Variants in CILK1 observed in about 807,000 individuals in gnomAD.
CILK1 encodes serine/threonine-protein kinase ICK.
In CILK1, 47 loss-of-function variants were observed where a neutral mutation model predicts 79.2. That is an observed-to-expected ratio of 0.59 (90% CI 0.47 to 0.76). The LOEUF (loss-of-function observed/expected upper bound fraction) is 0.76, where lower values mean the gene tolerates loss of function less well. Among genes scored for constraint, CILK1 ranks in the 30% least tolerant of loss-of-function variants. The pLI is 0.00. For synonymous variants in CILK1, 266 were observed against 275.9 expected, an observed-to-expected ratio of 0.96 and a Z score of 0.36; for missense variants, 660 against 769.5, an observed-to-expected ratio of 0.86 and a Z score of 1.68.
In CILK1 at chr6:53,006,326, T is replaced by C; in HGVS notation, c.1733A>G (p.Asp578Gly). 1.2e-6 allele frequency: 2 copies of C among 1,613,752 alleles called. No homozygotes were observed. Among genetic ancestry groups the C allele is most frequent in the East Asian group, 2.2e-5 (1 of 44,870 alleles). ...MQRVHLAPIP[D>G]PSPGYSSLKA... ...AAAATACAACTCACCAGGGGAAGGG[T>C]CTGGAATAGGTGCTAGGTGTACCCT... is the stretch of plus-strand genomic sequence containing the variant. The change falls in exon 13 of 14, where the codon GAC becomes GGC. Residue 578 changes from aspartate (D) to glycine (G), a missense_variant. Physicochemically the swap from Asp to Gly is moderately conservative, Grantham distance 94 (BLOSUM62 -1). Transcript: ENST00000676107.
intron 6 of CILK1, 72 bp from the exon 7 acceptor site, chr6:53,018,573 C>T: frequency 2.8e-6 from 4 of 1,419,346 alleles, no homozygotes; most frequent in African/African-American, 2.8e-5. Flanking sequence ...ACAATCAGTT[C>T]TCAGTGAGGG....
intron 1 of CILK1, among the ~76,000 whole-genome samples, chr6:53,049,581 G>A (rs1053188697): frequency 2.6e-5 from 4 of 152,172 alleles, no homozygotes; most frequent in African/African-American, 9.7e-5. Context: ...CATGGCAGGT[G>A]GGAAACATGA....
intron 1 of CILK1, among the ~76,000 whole-genome samples, chr6:53,044,427 A>G (rs569978269): frequency 6.6e-6 from 1 of 152,332 alleles, no homozygotes; most frequent in Admixed American, 6.5e-5. Context: ...TCTGTGTTAA[A>G]GTTATTGTAG....
chr6:53,052,451 G>A (rs998179849), intron 1 of CILK1, among the ~76,000 whole-genome samples: 4 of 152,092 alleles, frequency 2.6e-5, no homozygotes, highest in African/African-American at 4.8e-5. Context: ...AGGGAATTTC[G>A]GCAGGGCACA....
chr6:53,006,171 A>G, intron 13 of CILK1, 144 bp downstream of exon 13: 2 of 701,310 alleles, frequency 2.9e-6, no homozygotes, highest in Middle Eastern at 4.0e-4. Context: ...TATGTTATAT[A>G]GCACTTATTT....
At chr6:53,021,777 T>C (rs1394973243) in intron 5 of CILK1, among the ~76,000 whole-genome samples, 7 of 151,436 alleles carry the variant, frequency 4.6e-5, no homozygotes. Context: ...TATTTTAGAA[T>C]TGTACTCCTT....
chr6:53,043,849 C>G (rs1379745844), intron 1 of CILK1, among the ~76,000 whole-genome samples: 2 of 125,584 alleles, frequency 1.6e-5, no homozygotes, highest in Non-Finnish European at 3.4e-5. Context: ...AGAAAGCCCT[C>G]TTGGTTTCCA....
At chr6:53,038,047 C>T in intron 2 of CILK1, 54 bp from the exon 3 acceptor site, 1 of 1,278,016 alleles carries the variant, frequency 7.8e-7, no homozygotes, top group Non-Finnish European at 1.1e-6. Flanking sequence ...ATAGGTTAAA[C>T]TTTGCTTTTA....
In CILK1 at chr6:53,004,442, T is replaced by G. The variant is rs1764103889; in HGVS notation, c.*707A>C. ...TAATTAAGCTTGGTTTCATCTGAGA[T>G]CTGCAACCACATTAAAGGGTGTCAG... On this transcript the variant is annotated 3_prime_UTR_variant, in exon 14 of 14. Transcript: ENST00000676107. 1 of 152,234 alleles carries G rather than the reference T, an allele frequency of 6.6e-6. No homozygotes were observed. The highest frequency in any genetic ancestry group is 1.5e-5 in the Non-Finnish European group (1 of 68,048). 9.4% of individuals were successfully genotyped at this position (152,234 alleles called of 1,614,324 possible). A position where few individuals can be genotyped will look rare whatever the true frequency, so the allele number is the denominator to read the frequency against.
At chr6:53,054,014 T>A (rs1039641601) in intron 1 of CILK1, among the ~76,000 whole-genome samples, 3 of 152,022 alleles carry the variant, frequency 2.0e-5, no homozygotes, top group African/African-American at 7.2e-5. Flanking sequence ...AAAGGATAAA[T>A]GTTTCTGCTT....
intron 5 of CILK1, among the ~76,000 whole-genome samples, chr6:53,021,741 A>G (rs1051313413): frequency 2.6e-5 from 4 of 151,478 alleles, no homozygotes; most frequent in African/African-American, 9.7e-5. Context: ...CTTATCTAGT[A>G]TTCACTATAC....
At chr6:53,037,567 G>A (rs796072624) in intron 3 of CILK1, among the ~76,000 whole-genome samples, 2 of 152,254 alleles carry the variant, frequency 1.3e-5, no homozygotes, top group African/African-American at 4.8e-5. Flanking sequence ...CACAGAAAGT[G>A]GAGTGCAAAT....
At chr6:53,053,154 C>G (rs542110536) in intron 1 of CILK1, among the ~76,000 whole-genome samples, 1 of 152,154 alleles carries the variant, frequency 6.6e-6, no homozygotes, top group Non-Finnish European at 1.5e-5. Flanking sequence ...CAAGCACACA[C>G]CCAGCTTCCT....
intron 8 of CILK1, 184 bp downstream of exon 8, chr6:53,015,899 G>A (rs1288879262): frequency 1.6e-6 from 1 of 606,632 alleles, no homozygotes; most frequent in Non-Finnish European, 2.9e-6. Flanking sequence ...TGTTTACATT[G>A]TAACTACTTT....
Position 53,011,829 on chromosome 6 carries a change from T to G in CILK1, c.1432A>C (p.Thr478Pro). ...PTQTSYQRRDTPTLRSAAKQH... is the reference protein window; with the variant it reads ...PTQTSYQRRDPPTLRSAAKQH... ...TTGGCTGCAGATCTCAGGGTGGGCG[T>G]GTCTCGCCGCTGATATGACGTCTGG... Residue 478 changes from threonine (T) to proline (P), a missense_variant, in exon 11 of 14, where the codon ACG (threonine) becomes CCG (proline). By Grantham distance (38) the Thr-to-Pro change is conservative. Coordinates refer to ENST00000676107, the MANE Select transcript of CILK1 (RefSeq NM_014920.5). 6.2e-7 allele frequency: 1 copy of G among 1,614,132 alleles called. No individual in the cohort carries two copies. The highest frequency in any genetic ancestry group is 8.5e-7 in the Non-Finnish European group (1 of 1,180,014).
chr6:53,036,550 G>A (rs1282364553), intron 3 of CILK1, among the ~76,000 whole-genome samples: 1 of 152,030 alleles, frequency 6.6e-6, no homozygotes, highest in Non-Finnish European at 1.5e-5. Flanking sequence ...TGAGTAGCTG[G>A]GATTACAAGC....
chr6:53,007,486 T>C (rs1207540305), intron 12 of CILK1, among the ~76,000 whole-genome samples: 1 of 152,190 alleles, frequency 6.6e-6, no homozygotes, highest in East Asian at 1.9e-4. Context: ...CACAATAGGA[T>C]ACCATTTCTC....
chr6:53,025,278 G>C (rs1170127796), intron 5 of CILK1, among the ~76,000 whole-genome samples: 1 of 151,974 alleles, frequency 6.6e-6, no homozygotes. Flanking sequence ...TGGGTCCTTT[G>C]TTCTGCAGCC....
intron 1 of CILK1, among the ~76,000 whole-genome samples, chr6:53,042,638 A>G (rs1766792159): frequency 6.6e-6 from 1 of 152,256 alleles, no homozygotes; most frequent in Admixed American, 6.5e-5. Flanking sequence ...TTTCATTTAT[A>G]TAATTCAGTC....
Sources: gnomAD v4.1 joint callset for allele counts (sites outside exome capture counted in the v4.1 genomes callset) on GRCh38, gnomAD v4.1.1 for gene constraint, MANE v1.5 for transcripts, NCBI Gene and HGNC (gene_info 2026-07-23, HGNC 2026-07-21) for gene names.